The following CHCHD3 variants were observed in gnomAD, a reference collection of about 807,000 sequenced individuals.
The protein encoded by CHCHD3 is coiled-coil-helix-coiled-coil-helix domain containing 3, also known as MICOS complex subunit MIC19.
In CHCHD3, 20 loss-of-function variants were observed where a neutral mutation model predicts 38.2. That is an observed-to-expected ratio of 0.52 (90% CI 0.37 to 0.76). CHCHD3 has a LOEUF of 0.76. CHCHD3 is among the 30% of genes least tolerant of loss of function. The pLI is 0.00. For synonymous variants in CHCHD3, 82 were observed against 100.0 expected, an observed-to-expected ratio of 0.82 and a Z score of 1.07; for missense variants, 245 against 279.2, an observed-to-expected ratio of 0.88 and a Z score of 0.87.
At chr7:132,815,475 C>A in intron 6 of CHCHD3, 1 of 443,954 alleles carries the variant, frequency 2.3e-6, no homozygotes, top group South Asian at 1.6e-5. Context: ...CTCTGATTAC[C>A]TTTTAGGTCC....
chr7:132,791,520 G>A (rs2117021673), intron 7 of CHCHD3, among the ~76,000 whole-genome samples: 1 of 152,318 alleles, frequency 6.6e-6, no homozygotes, highest in Middle Eastern at 3.4e-3. Flanking sequence ...CATACAGCTT[G>A]CTCTGGCAAT....
Position 132,972,495 on chromosome 7 carries a change from T to A in CHCHD3, c.369+2674A>T, listed in dbSNP as rs960831542. On this transcript the variant is annotated intron_variant, in intron 4 of 7. Transcript: ENST00000262570. ...ATTGTAGTACATTGAGTGATTTTAG[T>A]ATCCCTTTGTATTTATTTTCTAATC... 1.3e-5 allele frequency: 10 copies of A among 770,552 alleles called. No individual in the cohort carries two copies. The African/African-American group carries it at 1.7e-4, about 13-fold the overall frequency. 47.7% of individuals were successfully genotyped at this position (770,552 alleles called of 1,614,324 possible). A position where few individuals can be genotyped will look rare whatever the true frequency, so the allele number is the denominator to read the frequency against.
At chr7:132,834,802 G>T (rs1337824758) in intron 6 of CHCHD3, among the ~76,000 whole-genome samples, 1 of 152,060 alleles carries the variant, frequency 6.6e-6, no homozygotes, top group Non-Finnish European at 1.5e-5. Flanking sequence ...AAGCTCACCT[G>T]AGCAGCACTG....
At chr7:133,033,953 TGA>T (rs1813575591) in intron 2 of CHCHD3, among the ~76,000 whole-genome samples, 1 of 114,598 alleles carries the variant, frequency 8.7e-6, no homozygotes, top group Admixed American at 8.6e-5. Flanking sequence ...CAGGTCTCTG[TGA>T]GATATCACAA....
At chr7:132,799,395 T>A (rs7801194) in intron 6 of CHCHD3, among the ~76,000 whole-genome samples, 21,547 of 152,202 alleles carry the variant, frequency 0.14, 1,652 homozygotes, top group Middle Eastern at 0.18. Context: ...CCTCCATATA[T>A]TCATAGAGTC....
chr7:132,837,610 C>A (rs1396668142), intron 6 of CHCHD3, among the ~76,000 whole-genome samples: 1 of 152,188 alleles, frequency 6.6e-6, no homozygotes, highest in Non-Finnish European at 1.5e-5. Context: ...AGGGTTTAAT[C>A]ATTTTATCAA....
intron 6 of CHCHD3, among the ~76,000 whole-genome samples, chr7:132,821,252 C>A (rs1807366304): frequency 1.3e-5 from 2 of 152,084 alleles, no homozygotes; most frequent in Admixed American, 1.3e-4. Context: ...TTAGGATATG[C>A]TAAAAACATA....
chr7:132,868,735 G>A (rs1432052927), intron 5 of CHCHD3, among the ~76,000 whole-genome samples: 1 of 152,036 alleles, frequency 6.6e-6, no homozygotes, highest in Non-Finnish European at 1.5e-5. Context: ...TGTGCCTCTG[G>A]AATAGAATCC....
intron 4 of CHCHD3, among the ~76,000 whole-genome samples, chr7:132,955,351 T>C (rs148277372): frequency 6.6e-6 from 1 of 152,124 alleles, no homozygotes; most frequent in African/African-American, 2.4e-5. Context: ...ATTACGAACA[T>C]GATTGCCTAG....
chr7:132,881,248 C>G (rs1342663125), intron 5 of CHCHD3, among the ~76,000 whole-genome samples: 1 of 152,018 alleles, frequency 6.6e-6, no homozygotes, highest in Non-Finnish European at 1.5e-5. Flanking sequence ...GGTGAAGTGG[C>G]CAATATAAAT....
rs71178073 is a variant in CHCHD3, at chr7:132,997,659, T to TAAAA, written c.252-22377_252-22374dup. Among the ~76,000 whole-genome samples, 263 of 81,716 alleles carry TAAAA rather than the reference T, an allele frequency of 3.2e-3. 20 individuals carry two copies. Among genetic ancestry groups the TAAAA allele is most frequent in the Non-Finnish European group, 3.0e-3 (126 of 41,514 alleles). 53.6% of individuals were successfully genotyped at this position (81,716 alleles called of 152,430 possible). On this transcript the variant is annotated intron_variant, in intron 3 of 7. Transcript: ENST00000262570. ...CTTCTCACTGTAACTAACAGGGTTG[T>TAAAA]AAAAAAAAAAAAAAAAAAAAAAAAA...
At chr7:132,922,239 AC>A (rs1810279640) in intron 4 of CHCHD3, among the ~76,000 whole-genome samples, 1 of 152,176 alleles carries the variant, frequency 6.6e-6, no homozygotes, top group Non-Finnish European at 1.5e-5. Flanking sequence ...AAGGGCGGGT[AC>A]AGCACAAGCA....
intron 1 of CHCHD3, among the ~76,000 whole-genome samples, chr7:133,076,883 G>A (rs1368711730): frequency 6.6e-6 from 1 of 152,124 alleles, no homozygotes; most frequent in African/African-American, 2.4e-5. Context: ...TCTTCTTCCA[G>A]ATGTGTCCTA....
chr7:132,822,311 T>C (rs1326877435), intron 6 of CHCHD3, among the ~76,000 whole-genome samples: 2 of 152,134 alleles, frequency 1.3e-5, no homozygotes, highest in South Asian at 2.1e-4. Context: ...AATTCACCTC[T>C]AGGGAATTAC....
chr7:132,926,844 T>TG (rs138530326), intron 4 of CHCHD3, among the ~76,000 whole-genome samples: 2,623 of 152,268 alleles, frequency 0.017, 53 homozygotes, highest in East Asian at 0.11. Flanking sequence ...GTATTGTTGT[T>TG]TTTTTTTCCA....
intron 2 of CHCHD3, among the ~76,000 whole-genome samples, chr7:133,042,923 G>A (rs1480058868): frequency 6.6e-6 from 1 of 152,070 alleles, no homozygotes; most frequent in Non-Finnish European, 1.5e-5. Flanking sequence ...CTGGAGCCTA[G>A]CAGCACAAAC....
At chr7:133,027,529 T>C (rs919764736) in intron 2 of CHCHD3, among the ~76,000 whole-genome samples, 1 of 151,944 alleles carries the variant, frequency 6.6e-6, no homozygotes, top group Non-Finnish European at 1.5e-5. Flanking sequence ...CTATTTAATG[T>C]CTAATCCCAC....
At chr7:133,017,957 A>G (rs956040037) in intron 3 of CHCHD3, among the ~76,000 whole-genome samples, 3 of 152,214 alleles carry the variant, frequency 2.0e-5, no homozygotes, top group African/African-American at 7.2e-5. Flanking sequence ...AGCACTTCCA[A>G]TCACCTTCCA....
At chr7:132,808,958 T>G (rs1235090211) in intron 6 of CHCHD3, among the ~76,000 whole-genome samples, 1 of 147,042 alleles carries the variant, frequency 6.8e-6, no homozygotes, top group Non-Finnish European at 1.5e-5. Flanking sequence ...TTTAAATTAT[T>G]ATTTTTCTTG....
Sources: allele counts gnomAD v4.1 joint callset (sites outside exome capture counted in the v4.1 genomes callset), GRCh38; gene constraint gnomAD v4.1.1; transcripts MANE v1.5; gene names NCBI Gene and HGNC (gene_info 2026-07-23, HGNC 2026-07-21).